The following ALCAM variants were observed in gnomAD, a reference collection of about 807,000 sequenced individuals.
ALCAM encodes activated leukocyte cell adhesion molecule.
A neutral mutation model predicts 70.9 loss-of-function variants in ALCAM; 30 were observed. The observed-to-expected ratio is 0.42, with a 90% CI of 0.32 to 0.57. The LOEUF (loss-of-function observed/expected upper bound fraction) is 0.57. ALCAM is among the 20% of genes least tolerant of loss of function. ALCAM has a pLI of 0.11. For synonymous variants in ALCAM, 249 were observed against 242.5 expected (o/e 1.03, Z -0.25); for missense variants, 591 against 695.1 (o/e 0.85, Z 1.68).
intron 14 of ALCAM, among the ~76,000 whole-genome samples, chr3:105,558,913 T>G (rs190579475): frequency 2.0e-4 from 31 of 152,156 alleles, no homozygotes; most frequent in African/African-American, 7.2e-4. Flanking sequence ...GAGGAGGGGT[T>G]GTCTAAGATC....
chr3:105,455,358 T>C (rs138904061), intron 1 of ALCAM, among the ~76,000 whole-genome samples: 22,995 of 148,080 alleles, frequency 0.16, 1,872 homozygotes, highest in Middle Eastern at 0.19. Context: ...AGGAGAATGG[T>C]GTGAACCCGG....
intron 14 of ALCAM, among the ~76,000 whole-genome samples, chr3:105,556,326 A>G (rs552052217): frequency 2.9e-4 from 44 of 152,154 alleles, no homozygotes; most frequent in Admixed American, 1.7e-3. Context: ...TAATTCCTAT[A>G]ACTAAACTGG....
chr3:105,470,361 AC>A (rs1285945774), intron 1 of ALCAM, among the ~76,000 whole-genome samples: 3 of 150,522 alleles, frequency 2.0e-5, no homozygotes, highest in Admixed American at 6.7e-5. Context: ...TCAAAAAAAA[AC>A]ACATATGGTA....
intron 1 of ALCAM, among the ~76,000 whole-genome samples, chr3:105,507,348 C>T (rs1939107666): frequency 6.6e-6 from 1 of 152,142 alleles, no homozygotes; most frequent in South Asian, 2.1e-4. Flanking sequence ...TCGACAAACA[C>T]TTAATAATGT....
chr3:105,501,758 G>T (rs1288574714), intron 1 of ALCAM, among the ~76,000 whole-genome samples: 1 of 152,152 alleles, frequency 6.6e-6, no homozygotes, highest in African/African-American at 2.4e-5. Context: ...TTTCCTGCAT[G>T]CAGCATGGCT....
intron 1 of ALCAM, among the ~76,000 whole-genome samples, chr3:105,463,755 A>G (rs899662586): frequency 2.0e-5 from 3 of 151,424 alleles, no homozygotes; most frequent in African/African-American, 7.3e-5. Flanking sequence ...ACTGTAGGGT[A>G]GTGAGGCTGT....
At chr3:105,376,306 A>G (rs116780827) in intron 1 of ALCAM, among the ~76,000 whole-genome samples, 1 of 152,336 alleles carries the variant, frequency 6.6e-6, no homozygotes, top group South Asian at 2.1e-4. Flanking sequence ...CCTAAAATCC[A>G]GTAGCAAATT....
Position 105,541,724 on chromosome 3 carries a change from A to C in ALCAM, c.950A>C (p.Asp317Ala). 6.2e-7 allele frequency: 1 copy of C among 1,612,340 alleles called. No individual in the cohort carries two copies. The highest frequency in any genetic ancestry group is 8.5e-7 in the Non-Finnish European group (1 of 1,178,830). ...ATGDYKCSLI[D>A]KKSMIASTAI... is the part of the protein sequence containing the mutation. ...GGAGACTACAAGTGTTCCCTGATAGACAAAAAAAGCATGATTGCTTCAACA... is the reference window on the plus strand; with the variant it reads ...GGAGACTACAAGTGTTCCCTGATAGCCAAAAAAAGCATGATTGCTTCAACA... The change falls in exon 8 of 16, where the codon GAC (aspartate) becomes GCC (alanine). Residue 317 changes from aspartate (D) to alanine (A), a missense_variant. By Grantham distance (126) the Asp-to-Ala change is moderately radical. This residue lies in a region of ALCAM where 427 missense variants were observed against 450.4 expected (regional missense o/e 0.95). Transcript: ENST00000306107.
intron 6 of ALCAM, 74 bp from the exon 7 acceptor site, chr3:105,539,901 G>A (rs1321989425): frequency 6.9e-7 from 1 of 1,449,394 alleles, no homozygotes; most frequent in Non-Finnish European, 9.4e-7. Flanking sequence ...GTATAATTTA[G>A]TCATTTACAT....
intron 1 of ALCAM, among the ~76,000 whole-genome samples, chr3:105,501,603 C>G (rs1022094234): frequency 3.3e-5 from 5 of 151,980 alleles, no homozygotes; most frequent in Non-Finnish European, 7.4e-5. Flanking sequence ...AAAATAATAT[C>G]TGAGTGATCT....
At chr3:105,388,442 C>T (rs1274582981) in intron 1 of ALCAM, among the ~76,000 whole-genome samples, 1 of 151,574 alleles carries the variant, frequency 6.6e-6, no homozygotes, top group Non-Finnish European at 1.5e-5. Context: ...GGGACTTCTA[C>T]CTCTTAGAGT....
At chr3:105,532,117 C>T in intron 4 of ALCAM, 51 bp downstream of exon 4, 1 of 1,438,492 alleles carries the variant, frequency 7.0e-7, no homozygotes, top group Non-Finnish European at 9.8e-7. Flanking sequence ...TTGTAAGTGC[C>T]TTCTTCTGAC....
chr3:105,370,961 CAAA>C (rs1935213468), intron 1 of ALCAM, among the ~76,000 whole-genome samples: 1 of 152,022 alleles, frequency 6.6e-6, no homozygotes, highest in Admixed American at 6.5e-5. Context: ...TAAAGTTGCT[CAAA>C]AAGTTGATTT....
rs1272821346 is a variant in ALCAM, at chr3:105,367,373, G to A, written c.-36G>A. The A allele has an allele frequency of 1.9e-6, 3 of 1,610,612 alleles. No homozygotes were observed. Among genetic ancestry groups the A allele is most frequent in the Non-Finnish European group, 1.7e-6 (2 of 1,177,608 alleles). On this transcript the variant is annotated 5_prime_UTR_variant, in exon 1 of 16. Transcript: ENST00000306107. ...GGACGACGCCCCCTCCTGCGGCGTG[G>A]ACTCCGTCAGTGGCCCACCAAGAAG...
chr3:105,412,336 C>T (rs1457568548), intron 1 of ALCAM, among the ~76,000 whole-genome samples: 1 of 152,038 alleles, frequency 6.6e-6, no homozygotes, highest in Non-Finnish European at 1.5e-5. Context: ...GCTTTATTCT[C>T]ATTGTGAACT....
chr3:105,387,331 T>A (rs931995133), intron 1 of ALCAM, among the ~76,000 whole-genome samples: 1 of 151,552 alleles, frequency 6.6e-6, no homozygotes, highest in Middle Eastern at 3.2e-3. Context: ...CTTTACTTTT[T>A]TGTTGCATGT....
chr3:105,543,622 A>C (rs944017925), intron 8 of ALCAM, among the ~76,000 whole-genome samples: 2 of 151,716 alleles, frequency 1.3e-5, no homozygotes, highest in African/African-American at 4.8e-5. Flanking sequence ...CAAGTCTCAC[A>C]GCCTACAAAT....
At chr3:105,446,184 C>T (rs1363594041) in intron 1 of ALCAM, among the ~76,000 whole-genome samples, 1 of 151,944 alleles carries the variant, frequency 6.6e-6, no homozygotes, top group Non-Finnish European at 1.5e-5. Context: ...AGATATTTCT[C>T]AAAAGAAGAT....
intron 1 of ALCAM, among the ~76,000 whole-genome samples, chr3:105,488,032 C>A (rs1198827701): frequency 6.6e-6 from 1 of 152,116 alleles, no homozygotes; most frequent in Non-Finnish European, 1.5e-5. Context: ...GATTAATACC[C>A]TCTCTGGGGA....
Sources: allele counts gnomAD v4.1 joint callset (sites outside exome capture counted in the v4.1 genomes callset), GRCh38; gene constraint gnomAD v4.1.1; regional missense constraint gnomAD v4.1.1; transcripts MANE v1.5; gene names NCBI Gene and HGNC (gene_info 2026-07-23, HGNC 2026-07-21).